Variants in GNL3L observed in about 807,000 individuals in gnomAD.
GNL3L encodes the protein guanine nucleotide-binding protein-like 3-like protein.
Under a neutral mutation model 42.9 loss-of-function variants are expected in GNL3L, and 4 were observed. That is an observed-to-expected ratio of 0.09 (90% CI 0.05 to 0.21). The LOEUF (loss-of-function observed/expected upper bound fraction) is 0.21, where lower values mean the gene tolerates loss of function less well. Among genes scored for constraint, GNL3L ranks in the 10% least tolerant of loss-of-function variants. GNL3L has a pLI of 1.00. For missense variants in GNL3L, 412 were observed against 481.7 expected (o/e 0.86, Z 1.36); for synonymous variants, 159 against 176.3 (o/e 0.90, Z 0.78).
At chrX:54,577,949 C>T (rs1925658489) in intron 16 of GNL3L, among the ~76,000 whole-genome samples, 2 of 110,829 alleles carry the variant, frequency 1.8e-5, no homozygotes, top group African/African-American at 6.6e-5. Flanking sequence ...TGCCATGTTG[C>T]CCAGGCTGGT....
chrX:54,578,012 G>T (rs1294923735), intron 16 of GNL3L, among the ~76,000 whole-genome samples: 1 of 111,825 alleles, frequency 8.9e-6, no homozygotes, highest in Non-Finnish European at 1.9e-5. Flanking sequence ...CAAAGTGCCA[G>T]GATTACAGGT....
intron 4 of GNL3L, among the ~76,000 whole-genome samples, chrX:54,540,937 G>A (rs1405317884): frequency 9.0e-6 from 1 of 111,551 alleles, no homozygotes; most frequent in African/African-American, 3.3e-5. Context: ...GATTACAGGC[G>A]TGAGCCACCC....
At chrX:54,606,788 A>C (rs1027486036) in intron 16 of GNL3L, among the ~76,000 whole-genome samples, 1 of 109,536 alleles carries the variant, frequency 9.1e-6, no homozygotes, top group Non-Finnish European at 1.9e-5. Flanking sequence ...CTACAGGTGC[A>C]TGCCACCACG....
At chrX:54,533,298 G>A (rs1924316515) in intron 2 of GNL3L, among the ~76,000 whole-genome samples, 1 of 108,176 alleles carries the variant, frequency 9.2e-6, no homozygotes, top group African/African-American at 3.4e-5. Context: ...AGCCTGGGAA[G>A]CAGAGGTTGT....
At chrX:54,548,538 T>C (rs1331205948) in intron 9 of GNL3L, among the ~76,000 whole-genome samples, 165 bp downstream of exon 9, 1 of 110,987 alleles carries the variant, frequency 9.0e-6, no homozygotes, top group African/African-American at 3.3e-5. Context: ...TCACTGCGTA[T>C]TGAGTATTAG....
At chrX:54,625,968 A>G (rs1256496558), downstream of GNL3L, among the ~76,000 whole-genome samples, 1 of 111,702 alleles carries the variant, frequency 9.0e-6, no homozygotes, top group African/African-American at 3.2e-5. Flanking sequence ...ATACATGTAT[A>G]CAATGTATAA....
At chrX:54,625,949 G>T (rs765083109), downstream of GNL3L, among the ~76,000 whole-genome samples, 2 of 111,053 alleles carry the variant, frequency 1.8e-5, no homozygotes, top group African/African-American at 6.5e-5. Context: ...GATACAGACG[G>T]ATATTATGAT....
chrX:54,537,336 TTGC>T (rs1924467306), intron 2 of GNL3L, among the ~76,000 whole-genome samples: 1 of 111,017 alleles, frequency 9.0e-6, no homozygotes, highest in African/African-American at 3.3e-5. Context: ...GTTGTTAATC[TTGC>T]TGCTGCCTGT....
downstream of GNL3L, among the ~76,000 whole-genome samples, chrX:54,624,702 A>T (rs1214089935): frequency 9.1e-6 from 1 of 110,101 alleles, no homozygotes; most frequent in African/African-American, 3.3e-5. Flanking sequence ...CGGCCTCCCA[A>T]AGTGCTGGGA....
rs1203282147 is a variant in GNL3L, at chrX:54,564,859, G to A, written c.*4257G>A. 1.9e-5 allele frequency among the ~76,000 whole-genome samples: 2 copies of A among 103,258 alleles called. No individual in the cohort carries two copies. Among genetic ancestry groups the A allele is most frequent in the African/African-American group, 3.6e-5 (1 of 27,743 alleles). The allele number at this position is 103,258 out of a possible 115,157, so 89.7% of individuals were successfully genotyped here. A position where few individuals can be genotyped will look rare whatever the true frequency, so the allele number is the denominator to read the frequency against. On this transcript the variant is annotated 3_prime_UTR_variant, in exon 16 of 16. Coordinates refer to ENST00000360845, the MANE Select transcript of GNL3L (RefSeq NM_001184819.2). ...AGCGATTCTCCTGCCTTAGCCTCCC[G>A]AGTAACAGGGACTACAGGTGCCCAC...
At chrX:54,591,701 G>A (rs1411639957) in intron 16 of GNL3L, among the ~76,000 whole-genome samples, 1 of 111,150 alleles carries the variant, frequency 9.0e-6, no homozygotes. Flanking sequence ...GTACCATGCT[G>A]TTTTGGTTAC....
At position 54,562,607 on chromosome X, in the gene GNL3L, G is replaced by C. The variant is rs760387029; in HGVS notation, c.*2005G>C. On this transcript the variant is annotated 3_prime_UTR_variant, in exon 16 of 16. Transcript: ENST00000360845. Reference sequence around the variant, plus strand: ...ATACAGCTCTGCTAGTAAGGGATTCGTCTCCCCAAATGAAAAAAAAAAGTA... The same window carrying C: ...ATACAGCTCTGCTAGTAAGGGATTCCTCTCCCCAAATGAAAAAAAAAAGTA... Among the ~76,000 whole-genome samples the C allele has an allele frequency of 9.1e-6, 1 of 110,104 alleles. No homozygotes were observed. The highest frequency in any genetic ancestry group is 3.9e-4 in the South Asian group (1 of 2,557).
At chrX:54,623,734 A>G (rs943558159), downstream of GNL3L, among the ~76,000 whole-genome samples, 3 of 110,680 alleles carry the variant, frequency 2.7e-5, no homozygotes, top group African/African-American at 9.9e-5. Flanking sequence ...TTTTGGCCAA[A>G]TTTATTCTTG....
chrX:54,635,550 C>T, the GNL3L span, among the ~76,000 whole-genome samples: 1 of 110,996 alleles, frequency 9.0e-6, no homozygotes, highest in Admixed American at 9.6e-5. Flanking sequence ...ATTAAATTCT[C>T]CTTTTTCCTC....
At chrX:54,580,824 A>G (rs1008859161) in intron 16 of GNL3L, among the ~76,000 whole-genome samples, 65 of 112,303 alleles carry the variant, frequency 5.8e-4, no homozygotes, top group African/African-American at 2.0e-3. Context: ...TCTGTCACCC[A>G]GGCTGGAGTG....
chrX:54,606,797 C>T (rs1480717809), intron 16 of GNL3L, among the ~76,000 whole-genome samples: 4 of 109,668 alleles, frequency 3.6e-5, no homozygotes, highest in East Asian at 5.8e-4. Flanking sequence ...CATGCCACCA[C>T]GCCTGGCTAA....
At chrX:54,541,535 G>C in intron 5 of GNL3L, 146 bp downstream of exon 5, 1 of 408,942 alleles carries the variant, frequency 2.4e-6, no homozygotes, top group Non-Finnish European at 4.3e-6. Flanking sequence ...ACGGACGAAG[G>C]GAGGGAGGGA....
chrX:54,634,338 G>C, the GNL3L span, among the ~76,000 whole-genome samples: 2 of 111,128 alleles, frequency 1.8e-5, no homozygotes, highest in African/African-American at 6.6e-5. Flanking sequence ...TTTCACTCTT[G>C]TTACCTGGGC....
chrX:54,579,907 A>T (rs1379263385), intron 16 of GNL3L, among the ~76,000 whole-genome samples: 1 of 100,282 alleles, frequency 1.0e-5, no homozygotes, highest in African/African-American at 3.8e-5. Flanking sequence ...TGAACTCCTG[A>T]CCTCAGGTGA....
Sources: allele counts gnomAD v4.1 joint callset (sites outside exome capture counted in the v4.1 genomes callset), GRCh38; gene constraint gnomAD v4.1.1; transcripts MANE v1.5; gene names NCBI Gene and HGNC (gene_info 2026-07-23, HGNC 2026-07-21).